The following UNC5C variants were observed in gnomAD, a reference collection of about 807,000 sequenced individuals.
The protein encoded by UNC5C is netrin receptor UNC5C.
In UNC5C, 47 loss-of-function variants were observed where a neutral mutation model predicts 99.8. That is an observed-to-expected ratio of 0.47 (90% CI 0.37 to 0.60). The LOEUF is 0.60. Among genes scored for constraint, UNC5C ranks in the 20% least tolerant of loss-of-function variants. The pLI is 0.00. For synonymous variants in UNC5C, 487 were observed against 452.2 expected (o/e 1.08, Z -0.98); for missense variants, 1,062 against 1,165.9 (o/e 0.91, Z 1.30).
rs1560718114 is a variant in UNC5C at position 95,182,874 on chromosome 4, TCAGA to T, written c.2451+19_2451+22del. On this transcript the variant is annotated intron_variant, in intron 14 of 15. Coordinates refer to ENST00000453304, the MANE Select transcript of UNC5C (RefSeq NM_003728.4). ...CTGAGTGTCGCACTCTCCCCTGATT[TCAGA>T]CAGACAGGAGCCACTTACCTCTGAC... The T allele has an allele frequency of 3.8e-6, 6 of 1,599,472 alleles. No individual in the cohort carries two copies. The highest frequency in any genetic ancestry group is 1.7e-6 in the Non-Finnish European group (2 of 1,168,618).
intron 2 of UNC5C, among the ~76,000 whole-genome samples, chr4:95,310,416 T>C (rs1468913783): frequency 1.2e-5 from 1 of 84,300 alleles, no homozygotes; most frequent in Non-Finnish European, 2.3e-5. Flanking sequence ...ACTTGAAATT[T>C]GCCAAGACAG....
intron 1 of UNC5C, among the ~76,000 whole-genome samples, chr4:95,362,433 G>A (rs373604515): frequency 3.4e-4 from 52 of 152,242 alleles, no homozygotes; most frequent in African/African-American, 7.2e-4. Context: ...TGGAAACAGC[G>A]AGGTTGCATG....
At chr4:95,548,557 A>AATT (rs1198591878) in intron 1 of UNC5C, among the ~76,000 whole-genome samples, 177 bp downstream of exon 1, 261 of 149,994 alleles carry the variant, frequency 1.7e-3, no homozygotes, top group African/African-American at 6.1e-3. Context: ...TAATAATAAT[A>AATT]ATTATTATTA....
At chr4:95,522,945 G>T (rs12504116) in intron 1 of UNC5C, among the ~76,000 whole-genome samples, 5,587 of 147,404 alleles carry the variant, frequency 0.038, 206 homozygotes, top group Admixed American at 0.12. Flanking sequence ...ACAGTTGCAG[G>T]CACATTTTCT....
At chr4:95,275,359 C>G (rs1445544914) in intron 4 of UNC5C, among the ~76,000 whole-genome samples, 1 of 152,126 alleles carries the variant, frequency 6.6e-6, no homozygotes, top group African/African-American at 2.4e-5. Context: ...ACAATAGTAC[C>G]AATGTTTCTT....
intron 1 of UNC5C, among the ~76,000 whole-genome samples, chr4:95,481,108 C>T (rs1170462082): frequency 2.3e-4 from 35 of 151,574 alleles, no homozygotes; most frequent in Admixed American, 9.9e-4. Context: ...ATCTAGAAAA[C>T]CCCATTGTCT....
chr4:95,242,297 C>T (rs555707265), intron 7 of UNC5C, 132 bp downstream of exon 7: 15 of 1,292,048 alleles, frequency 1.2e-5, no homozygotes, highest in African/African-American at 1.5e-5. Flanking sequence ...TGAGAGCAAG[C>T]TAGAATATTG....
At chr4:95,518,199 G>A (rs1029714354) in intron 1 of UNC5C, among the ~76,000 whole-genome samples, 16 of 152,132 alleles carry the variant, frequency 1.1e-4, no homozygotes, top group African/African-American at 3.9e-4. Context: ...TTTGGCCTAT[G>A]TGTCACTGGG....
At chr4:95,518,376 A>C (rs1427265945) in intron 1 of UNC5C, among the ~76,000 whole-genome samples, 3 of 152,236 alleles carry the variant, frequency 2.0e-5, no homozygotes, top group Non-Finnish European at 4.4e-5. Context: ...CACTAAAGAC[A>C]AGACTCCATA....
intron 4 of UNC5C, 75 bp from the exon 5 acceptor site, chr4:95,250,742 TG>T (rs1182197684): frequency 6.9e-7 from 1 of 1,444,006 alleles, no homozygotes; most frequent in African/African-American, 1.4e-5. Flanking sequence ...ACCTGCATTT[TG>T]TACACTTGAT....
At chr4:95,424,765 C>T (rs557141395) in intron 1 of UNC5C, among the ~76,000 whole-genome samples, 24 of 151,872 alleles carry the variant, frequency 1.6e-4, no homozygotes, top group African/African-American at 4.3e-4. Flanking sequence ...CCTCGTGATC[C>T]GCCCTCCTTG....
At chr4:95,302,089 G>A (rs1741903554) in intron 2 of UNC5C, among the ~76,000 whole-genome samples, 1 of 152,054 alleles carries the variant, frequency 6.6e-6, no homozygotes, top group East Asian at 1.9e-4. Context: ...CATCTTCTAG[G>A]GTTTTTACCT....
At chr4:95,543,871 A>C (rs897022654) in intron 1 of UNC5C, among the ~76,000 whole-genome samples, 2 of 152,156 alleles carry the variant, frequency 1.3e-5, no homozygotes, top group African/African-American at 2.4e-5. Context: ...GAAGGGAATG[A>C]GATTCCCACA....
intron 7 of UNC5C, among the ~76,000 whole-genome samples, chr4:95,228,378 A>G (rs905333523): frequency 6.6e-6 from 1 of 152,248 alleles, no homozygotes; most frequent in African/African-American, 2.4e-5. Context: ...ATAAATAATT[A>G]TCAAGCAAAT....
intron 1 of UNC5C, among the ~76,000 whole-genome samples, chr4:95,537,746 A>G (rs949449016): frequency 2.7e-4 from 41 of 152,228 alleles, no homozygotes; most frequent in African/African-American, 7.7e-4. Flanking sequence ...AAGGATTATT[A>G]TAGTGATCAC....
chr4:95,459,611 T>A (rs1747542965), intron 1 of UNC5C, among the ~76,000 whole-genome samples: 2 of 152,172 alleles, frequency 1.3e-5, no homozygotes, highest in African/African-American at 2.4e-5. Flanking sequence ...TTTGATAAAC[T>A]TTTTTGTAAG....
intron 7 of UNC5C, among the ~76,000 whole-genome samples, chr4:95,227,137 ATG>A (rs1191082149): frequency 4.9e-5 from 6 of 122,214 alleles, no homozygotes; most frequent in African/African-American, 1.7e-4. Flanking sequence ...CTTTAAAACA[ATG>A]TTTTTTTTTT....
chr4:95,538,603 A>G (rs1722837259), intron 1 of UNC5C, among the ~76,000 whole-genome samples: 1 of 152,190 alleles, frequency 6.6e-6, no homozygotes, highest in Non-Finnish European at 1.5e-5. Context: ...AAAACCCCAC[A>G]TCATCAATGA....
At chr4:95,299,828 T>C (rs891486012) in intron 3 of UNC5C, among the ~76,000 whole-genome samples, 2 of 152,164 alleles carry the variant, frequency 1.3e-5, no homozygotes, top group Admixed American at 6.5e-5. Context: ...ATGATTACAA[T>C]TCAAGGTGAG....
Sources: gnomAD v4.1 joint callset for allele counts (sites outside exome capture counted in the v4.1 genomes callset) on GRCh38, gnomAD v4.1.1 for gene constraint, MANE v1.5 for transcripts, NCBI Gene and HGNC (gene_info 2026-07-23, HGNC 2026-07-21) for gene names.